The following KHDRBS2 variants were observed in gnomAD, a reference collection of about 807,000 sequenced individuals.
KHDRBS2 encodes KH domain-containing, RNA-binding, signal transduction-associated protein 2.
KHDRBS2 carries 26 observed loss-of-function variants against 44.3 expected under a neutral mutation model. The observed-to-expected ratio is 0.59, with a 90% CI of 0.43 to 0.81. The LOEUF is 0.81. KHDRBS2 is among the 40% of genes least tolerant of loss of function. The pLI, the probability that KHDRBS2 is intolerant of heterozygous loss-of-function variation, is 0.00. For synonymous variants in KHDRBS2, 194 were observed against 151.1 expected, an observed-to-expected ratio of 1.28 and a Z score of -2.08; for missense variants, 476 against 433.1, an observed-to-expected ratio of 1.10 and a Z score of -0.88.
chr6:61,849,191 T>A (rs1795082185), intron 6 of KHDRBS2, among the ~76,000 whole-genome samples: 1 of 152,102 alleles, frequency 6.6e-6, no homozygotes, highest in African/African-American at 2.4e-5. Context: ...ATCCTAATAT[T>A]TCTTGTTAAA....
intron 2 of KHDRBS2, among the ~76,000 whole-genome samples, chr6:62,086,910 A>G (rs536892712): frequency 6.6e-6 from 1 of 152,142 alleles, no homozygotes; most frequent in South Asian, 2.1e-4. Context: ...ACCAAGAGTA[A>G]AGTCAAAATT....
At chr6:62,214,996 A>C (rs1475768477) in intron 1 of KHDRBS2, among the ~76,000 whole-genome samples, 1 of 151,706 alleles carries the variant, frequency 6.6e-6, no homozygotes, top group East Asian at 1.9e-4. Context: ...AAGATAAAAA[A>C]ATTTAAAATC....
rs530329763 is a variant in KHDRBS2 at position 62,201,622 on chromosome 6, G to T, written c.92-24310C>A. ...TACATGCTTCTTACAAAACTAATTT[G>T]CAAATTCAAAGTTTCACTTTCGCTT... On this transcript the variant is annotated intron_variant, in intron 1 of 8. Coordinates refer to ENST00000281156, the MANE Select transcript of KHDRBS2 (RefSeq NM_152688.4). 3.3e-5 allele frequency among the ~76,000 whole-genome samples: 5 copies of T among 151,942 alleles called. No homozygotes were observed. In the South Asian group the frequency reaches 8.3e-4, roughly 25 times the overall value.
chr6:61,788,041 T>C (rs1018740309), intron 6 of KHDRBS2, among the ~76,000 whole-genome samples: 3 of 151,622 alleles, frequency 2.0e-5, no homozygotes, highest in African/African-American at 7.2e-5. Context: ...TTCATACATT[T>C]GTTGGGAATA....
chr6:62,272,692 T>C (rs2150189722), intron 1 of KHDRBS2, among the ~76,000 whole-genome samples: 1 of 152,186 alleles, frequency 6.6e-6, no homozygotes, highest in South Asian at 2.1e-4. Context: ...TCAGTAAGAA[T>C]TGTCAAAGGA....
chr6:61,748,479 C>T (rs1042398687), intron 6 of KHDRBS2, among the ~76,000 whole-genome samples: 15 of 152,168 alleles, frequency 9.9e-5, no homozygotes, highest in African/African-American at 3.6e-4. Flanking sequence ...ATTGCAAACT[C>T]ACCAGGTCTA....
intron 6 of KHDRBS2, among the ~76,000 whole-genome samples, chr6:61,874,121 T>C (rs751310613): frequency 1.3e-5 from 2 of 152,122 alleles, no homozygotes; most frequent in Non-Finnish European, 2.9e-5. Context: ...ATAATTGCCT[T>C]TGATTATGTA....
intron 4 of KHDRBS2, among the ~76,000 whole-genome samples, chr6:61,944,159 T>C (rs1243464384): frequency 1.2e-4 from 19 of 152,134 alleles, no homozygotes; most frequent in Admixed American, 1.1e-3. Flanking sequence ...AATCCCACTA[T>C]TGGGTATCCA....
At chr6:61,804,655 C>G (rs994398269) in intron 6 of KHDRBS2, among the ~76,000 whole-genome samples, 1 of 152,200 alleles carries the variant, frequency 6.6e-6, no homozygotes, top group African/African-American at 2.4e-5. Flanking sequence ...AACCTTAATT[C>G]TTGATTTCTG....
intron 3 of KHDRBS2, among the ~76,000 whole-genome samples, chr6:62,007,456 T>C (rs1779467762): frequency 1.3e-5 from 2 of 152,008 alleles, no homozygotes; most frequent in Admixed American, 6.6e-5. Flanking sequence ...ATAAAATGCA[T>C]GAATTTACTT....
chr6:61,895,053 A>T (rs1802696598), intron 5 of KHDRBS2, among the ~76,000 whole-genome samples: 1 of 151,508 alleles, frequency 6.6e-6, no homozygotes, highest in Non-Finnish European at 1.5e-5. Flanking sequence ...ACTGACTATG[A>T]TTAGTTCTTA....
At chr6:62,119,673 C>T (rs1335841320) in intron 2 of KHDRBS2, among the ~76,000 whole-genome samples, 2 of 152,182 alleles carry the variant, frequency 1.3e-5, no homozygotes, top group Admixed American at 6.5e-5. Flanking sequence ...CTCTGATAAG[C>T]CTTTCTTGCC....
intron 2 of KHDRBS2, among the ~76,000 whole-genome samples, chr6:62,109,505 C>T (rs1165597429): frequency 6.6e-6 from 1 of 151,768 alleles, no homozygotes; most frequent in Non-Finnish European, 1.5e-5. Flanking sequence ...GAAAATAAGT[C>T]TTTATTCACA....
intron 2 of KHDRBS2, among the ~76,000 whole-genome samples, chr6:62,115,168 T>C (rs1364343843): frequency 6.6e-6 from 1 of 152,218 alleles, no homozygotes. Context: ...AGCTGTCTGA[T>C]TTCTTTCAAA....
chr6:61,975,406 C>T (rs1250106056), intron 4 of KHDRBS2, among the ~76,000 whole-genome samples: 4 of 152,106 alleles, frequency 2.6e-5, no homozygotes, highest in African/African-American at 7.2e-5. Context: ...TTTCTGTGGG[C>T]TTTAATATAA....
At chr6:61,692,805 C>T (rs1221457938) in intron 8 of KHDRBS2, among the ~76,000 whole-genome samples, 1 of 152,032 alleles carries the variant, frequency 6.6e-6, no homozygotes, top group Non-Finnish European at 1.5e-5. Flanking sequence ...TCTCCCAATG[C>T]CTTCACTTGT....
chr6:62,087,872 T>A (rs1203260823), intron 2 of KHDRBS2, among the ~76,000 whole-genome samples: 1 of 152,230 alleles, frequency 6.6e-6, no homozygotes, highest in Non-Finnish European at 1.5e-5. Context: ...CCCATATTTC[T>A]TGGAGGCTTT....
the KHDRBS2 span, among the ~76,000 whole-genome samples, chr6:61,657,730 G>C: frequency 1.3e-5 from 2 of 151,886 alleles, no homozygotes; most frequent in Non-Finnish European, 2.9e-5. Context: ...GCTGCTGTGG[G>C]CATAAACTTA....
chr6:62,143,354 T>C (rs1813252422), intron 2 of KHDRBS2, among the ~76,000 whole-genome samples: 1 of 152,054 alleles, frequency 6.6e-6, no homozygotes, highest in African/African-American at 2.4e-5. Flanking sequence ...CTTTGCCTTT[T>C]ATATTATAGT....
Sources: allele counts gnomAD v4.1 joint callset (sites outside exome capture counted in the v4.1 genomes callset), GRCh38; gene constraint gnomAD v4.1.1; transcripts MANE v1.5; gene names NCBI Gene and HGNC (gene_info 2026-07-23, HGNC 2026-07-21).